The following PPP4C variants were observed in gnomAD, a reference collection of about 807,000 sequenced individuals.
The protein encoded by PPP4C is serine/threonine-protein phosphatase 4 catalytic subunit.
In PPP4C, 10 loss-of-function variants were observed where a neutral mutation model predicts 40.5. The ratio of observed to expected loss-of-function variants is 0.25; its 90% CI spans 0.15 to 0.42. The LOEUF (loss-of-function observed/expected upper bound fraction) is 0.42. Among genes scored for constraint, PPP4C ranks in the 10% least tolerant of loss-of-function variants. The pLI, the probability that PPP4C is intolerant of heterozygous loss-of-function variation, is 1.00. For missense variants in PPP4C, 191 were observed against 416.4 expected (o/e 0.46, Z 4.71); for synonymous variants, 187 against 163.6 (o/e 1.14, Z -1.09).
At position 30,081,247 on chromosome 16, in the gene PPP4C, TC is replaced by T. The variant is rs1201142286; in HGVS notation, c.99-10del. ...CCTGGCTGTGGTGACCCTGGTCTTC[TC>T]CTGTCTCCAGAGAGATCTTGGTAGA... is the stretch of plus-strand genomic sequence containing the variant. On this transcript the variant is annotated splice_polypyrimidine_tract_variant and intron_variant, in intron 2 of 8. Transcript: ENST00000279387. The T allele has an allele frequency of 6.2e-7, 1 of 1,613,562 alleles. No individual in the cohort carries two copies. The highest frequency in any genetic ancestry group is 1.3e-5 in the African/African-American group (1 of 74,982).
rs554599301 is a variant in PPP4C at position 30,076,360 on chromosome 16, C to G, written c.-18C>G. 1.9e-6 allele frequency: 3 copies of G among 1,611,652 alleles called. No individual in the cohort carries two copies. Among genetic ancestry groups the G allele is most frequent in the African/African-American group, 1.3e-5 (1 of 75,028 alleles). On this transcript the variant is annotated 5_prime_UTR_variant, in exon 2 of 9. Coordinates refer to ENST00000279387, the MANE Select transcript of PPP4C (RefSeq NM_002720.3). ...AGGGGGCGGCGGCCCCGACTCTGAC[C>G]CGCGCCGGGGGTGGGCCATGGCGGA...
intron 7 of PPP4C, among the ~76,000 whole-genome samples, chr16:30,084,122 G>A (rs1290028578): frequency 6.6e-6 from 1 of 152,158 alleles, no homozygotes; most frequent in Middle Eastern, 3.2e-3. Context: ...GAGATTTAAA[G>A]TCAGGTCTTC....
chr16:30,076,113 T>C lies in PPP4C; in HGVS notation c.-64+19T>C. On this transcript the variant is annotated intron_variant, in intron 1 of 8. Coordinates refer to ENST00000279387, the MANE Select transcript of PPP4C (RefSeq NM_002720.3). Reference sequence around the variant, plus strand: ...AGCGGCGGTAATAGTGCGAGACTCCTCTAAGTCACCGTCCTTAGCGCGGGA... The same window carrying C: ...AGCGGCGGTAATAGTGCGAGACTCCCCTAAGTCACCGTCCTTAGCGCGGGA... The C allele has an allele frequency of 1.8e-6, 1 of 548,156 alleles. No homozygotes were observed. The highest frequency in any genetic ancestry group is 3.1e-5 in the East Asian group (1 of 32,364). The allele number at this position is 548,156 out of a possible 1,614,324, so 34.0% of individuals were successfully genotyped here. A position where few individuals can be genotyped will look rare whatever the true frequency, so the allele number is the denominator to read the frequency against.
Position 30,083,268 on chromosome 16 carries a change from A to G in PPP4C, c.304-126A>G, listed in dbSNP as rs899953385. On this transcript the variant is annotated intron_variant, in intron 5 of 8. Coordinates refer to ENST00000279387, the MANE Select transcript of PPP4C (RefSeq NM_002720.3). The surrounding 1 kb of genome is among the most constrained non-coding windows in gnomAD (Gnocchi z 6.3). ...GTGGCTGATGCCACACGATTCAGGC[A>G]AGAGGTGCCAGGAGTGTGCTGGGCA... 7.2e-5 allele frequency: 81 copies of G among 1,117,832 alleles called. No individual in the cohort carries two copies. The highest frequency in any genetic ancestry group is 4.3e-4 in the East Asian group (18 of 42,298). 69.2% of individuals were successfully genotyped at this position (1,117,832 alleles called of 1,614,324 possible). A position where few individuals can be genotyped will look rare whatever the true frequency, so the allele number is the denominator to read the frequency against.
At position 30,083,504 on chromosome 16, in the gene PPP4C, T is replaced by A. The variant is rs932701999; in HGVS notation, c.414T>A (p.Thr138=). ...GCCTGCGCAAGTACGGCTCGGTGACTGTGTGGCGCTACTGCACTGAGATCT... is the reference window on the plus strand; with the variant it reads ...GCCTGCGCAAGTACGGCTCGGTGACAGTGTGGCGCTACTGCACTGAGATCT... ...DECLRKYGSV[T]VWRYCTEIFD... Residue 138 remains threonine, a synonymous_variant, in exon 6 of 9, where the codon ACT becomes ACA. Coordinates refer to ENST00000279387, the MANE Select transcript of PPP4C (RefSeq NM_002720.3). This position sits in a 1 kb window ranked among gnomAD's most constrained non-coding sequence, Gnocchi z 6.3. The A allele has an allele frequency of 4.3e-6, 7 of 1,613,930 alleles. No individual in the cohort carries two copies. The highest frequency in any genetic ancestry group is 5.9e-6 in the Non-Finnish European group (7 of 1,180,018).
rs17842266 is a variant in PPP4C at position 30,081,436 on chromosome 16, C to T, written c.150+126C>T. ...TATCTGTCCTTTCCCTCACCTTCAA[C>T]GGAGCACTGCTAAAAGAAGTGGGGG... On this transcript the variant is annotated intron_variant, in intron 3 of 8. Transcript: ENST00000279387. 1.0e-2 allele frequency: 7,504 copies of T among 751,874 alleles called. 329 individuals carry two copies. The African/African-American group carries it at 0.1, about 10-fold the overall frequency. 46.6% of individuals were successfully genotyped at this position (751,874 alleles called of 1,614,324 possible).
At position 30,076,067 on chromosome 16, in the gene PPP4C, G is replaced by GAGAGCCGGAACCGGAGTCGC. The variant is rs1282729537; in HGVS notation, c.-88_-69dup. On this transcript the variant is annotated 5_prime_UTR_variant, in exon 1 of 9. Transcript: ENST00000279387. The stretch of plus-strand genomic sequence containing the variant: ...AGTGAAAGAGGGAGGCAGGGAGCCG[G>GAGAGCCGGAACCGGAGTCGC]AGAGCCGGAACCGGAGTCGCAGCGG... 2.5e-5 allele frequency: 11 copies of GAGAGCCGGAACCGGAGTCGC among 439,456 alleles called. No individual in the cohort carries two copies. Among genetic ancestry groups the GAGAGCCGGAACCGGAGTCGC allele is most frequent in the Non-Finnish European group, 8.1e-6 (2 of 245,658 alleles). 27.2% of individuals were successfully genotyped at this position (439,456 alleles called of 1,614,324 possible).
At chr16:30,084,298 T>C (rs2072571143) in intron 7 of PPP4C, among the ~76,000 whole-genome samples, 1 of 152,048 alleles carries the variant, frequency 6.6e-6, no homozygotes, top group South Asian at 2.1e-4. Flanking sequence ...GACACACACA[T>C]GCAGACACAC....
Position 30,085,289 on chromosome 16 carries a change from T to C in PPP4C, c.*227T>C, listed in dbSNP as rs567570968. The C allele has an allele frequency of 4.9e-6, 2 of 409,252 alleles. No homozygotes were observed. The highest frequency in any genetic ancestry group is 2.0e-5 in the African/African-American group (1 of 48,944). 25.4% of individuals were successfully genotyped at this position (409,252 alleles called of 1,614,324 possible). A position where few individuals can be genotyped will look rare whatever the true frequency, so the allele number is the denominator to read the frequency against. ...CATGAAGTTTCCAATAATTTTTTTT[T>C]CTTTTTTTCCTTCTTTTTTCTGTTT... On this transcript the variant is annotated 3_prime_UTR_variant, in exon 9 of 9. Transcript: ENST00000279387.
rs1157860456 is a variant in PPP4C, at chr16:30,084,747, A to G, written c.686A>G (p.Asn229Ser). 1 of 1,614,122 alleles carries G rather than the reference A, an allele frequency of 6.2e-7. No individual in the cohort carries two copies. The highest frequency in any genetic ancestry group is 8.5e-7 in the Non-Finnish European group (1 of 1,180,048). Residue 229 changes from asparagine to serine, a missense_variant, in exon 8 of 9, where the codon AAT becomes AGT. Asn to Ser is a conservative substitution (Grantham distance 46, BLOSUM62 1). Coordinates refer to ENST00000279387, the MANE Select transcript of PPP4C (RefSeq NM_002720.3). ...SDVVAQFNAA[N>S]DIDMICRAHQ... ...GTGGTGGCCCAGTTCAACGCAGCCA[A>G]TGACATTGACATGATCTGCCGTGCC...
At chr16:30,082,048 C>T (rs1311144484) in intron 3 of PPP4C, among the ~76,000 whole-genome samples, 1 of 143,276 alleles carries the variant, frequency 7.0e-6, no homozygotes, top group Non-Finnish European at 1.6e-5. Flanking sequence ...GAGTGAGACT[C>T]CGTCTAAAAA....
At chr16:30,082,616 G>T (rs2072531988) in intron 4 of PPP4C, 82 bp downstream of exon 4, 1 of 1,563,882 alleles carries the variant, frequency 6.4e-7, no homozygotes, top group Non-Finnish European at 8.8e-7. Context: ...GCCTTAATTT[G>T]GGGCGTGGAG....
rs779019899 is a variant in PPP4C, at chr16:30,085,006, C to G, written c.868C>G (p.Pro290Ala). ...AGATTTCATCATCTTTGAGGCTGCTCCCCAAGAGACACGGGGCATCCCCTC... is the reference window on the plus strand; with the variant it reads ...AGATTTCATCATCTTTGAGGCTGCTGCCCAAGAGACACGGGGCATCCCCTC... ...QKDFIIFEAA[P>A]QETRGIPSKK... is the part of the protein sequence containing the mutation. Residue 290 changes from proline (P) to alanine (A), a missense_variant, in exon 9 of 9, where the codon CCC becomes GCC. Transcript: ENST00000279387. 1.2e-6 allele frequency: 2 copies of G among 1,614,076 alleles called. No homozygotes were observed. The highest frequency in any genetic ancestry group is 2.7e-5 in the African/African-American group (2 of 74,934).
intron 2 of PPP4C, among the ~76,000 whole-genome samples, chr16:30,079,456 G>A (rs950987984): frequency 2.0e-5 from 3 of 152,124 alleles, no homozygotes; most frequent in African/African-American, 7.2e-5. Flanking sequence ...CCAAAGTGCT[G>A]GGATTACAGG....
chr16:30,084,248 G>C (rs559808420), intron 7 of PPP4C, among the ~76,000 whole-genome samples: 1 of 148,462 alleles, frequency 6.7e-6, no homozygotes, highest in African/African-American at 2.5e-5. Flanking sequence ...CCACACACAC[G>C]CACACGAGGC....
intron 3 of PPP4C, chr16:30,081,586 T>A: frequency 3.4e-6 from 1 of 290,358 alleles, no homozygotes. Flanking sequence ...CTACTAAAAA[T>A]ACAAAAATTA....
chr16:30,081,604 G>A (rs755631985), intron 3 of PPP4C: 5 of 254,990 alleles, frequency 2.0e-5, no homozygotes, highest in African/African-American at 8.8e-5. Flanking sequence ...TTAGCCACGC[G>A]TGGTGGCACG....
At chr16:30,082,898 C>A in intron 5 of PPP4C, 51 bp downstream of exon 5, 1 of 1,503,752 alleles carries the variant, frequency 6.7e-7, no homozygotes, top group South Asian at 1.1e-5. Context: ...TCGGGCCGGG[C>A]CTGTCTTAGT....
chr16:30,083,492 C>T lies in PPP4C; in HGVS notation c.402C>T (p.Tyr134=), dbSNP rs899898349. 13 of 1,614,116 alleles carry T rather than the reference C, an allele frequency of 8.1e-6. No individual in the cohort carries two copies. Among genetic ancestry groups the T allele is most frequent in the African/African-American group, 1.3e-5 (1 of 75,042 alleles). The part of the protein sequence containing the change: ...YGFYDECLRK[Y]GSVTVWRYCT... The stretch of plus-strand genomic sequence containing the variant: ...TCTACGATGAGTGCCTGCGCAAGTA[C>T]GGCTCGGTGACTGTGTGGCGCTACT... The change falls in exon 6 of 9, where the codon TAC becomes TAT. Residue 134 remains tyrosine (Y), a synonymous_variant. Transcript: ENST00000279387. This position sits in a 1 kb window ranked among gnomAD's most constrained non-coding sequence, Gnocchi z 6.3.
Sources: gnomAD v4.1 joint callset for allele counts (sites outside exome capture counted in the v4.1 genomes callset) on GRCh38, gnomAD v4.1.1 for gene constraint, Gnocchi (gnomAD v3.1) non-coding constraint, MANE v1.5 for transcripts, NCBI Gene and HGNC (gene_info 2026-07-23, HGNC 2026-07-21) for gene names.